CXCL9: variants seen among roughly 807,000 people sequenced by gnomAD.
The protein encoded by CXCL9 is C-X-C motif chemokine ligand 9, also known as C-X-C motif chemokine 9.
Under a neutral mutation model 11.7 loss-of-function variants are expected in CXCL9, and 8 were observed. The ratio of observed to expected loss-of-function variants is 0.68; its 90% CI spans 0.40 to 1.23. The LOEUF (loss-of-function observed/expected upper bound fraction) is 1.23. Ranked by LOEUF, CXCL9 falls within the 50% of genes most tolerant of loss-of-function variation. The pLI, the probability that CXCL9 is intolerant of heterozygous loss-of-function variation, is 0.01. For missense variants in CXCL9, 133 were observed against 141.7 expected (o/e 0.94, Z 0.31); for synonymous variants, 43 against 48.2 (o/e 0.89, Z 0.45).
In CXCL9 at chr4:76,003,729, T is replaced by C. The variant is rs1248757341; in HGVS notation, c.277-30A>G. On this transcript the variant is annotated intron_variant, in intron 3 of 3. Transcript: ENST00000264888. ...GAGAAGAAGGGGAAAAAGGGCAATG[T>C]TTCTGAATCTTACCATTTTTACTTC... The C allele has an allele frequency of 7.9e-6, 10 of 1,259,524 alleles. No homozygotes were observed. In the Admixed American group the frequency reaches 1.7e-4, roughly 22 times the overall value. The allele number at this position is 1,259,524 out of a possible 1,614,324, so 78.0% of individuals were successfully genotyped here. A position where few individuals can be genotyped will look rare whatever the true frequency, so the allele number is the denominator to read the frequency against.
chr4:76,005,029 T>C (rs1272825605), intron 2 of CXCL9, 136 bp from the exon 3 acceptor site: 1 of 1,263,410 alleles, frequency 7.9e-7, no homozygotes, highest in Non-Finnish European at 1.0e-6. Context: ...TAGGACAAGA[T>C]GAGTCACTGG....
intron 3 of CXCL9, 114 bp downstream of exon 3, chr4:76,004,695 A>G: frequency 7.3e-7 from 1 of 1,363,658 alleles, no homozygotes; most frequent in Non-Finnish European, 9.5e-7. Context: ...ATATGAATGA[A>G]AAATGTATTC....
rs1731583767 is a variant in CXCL9, at chr4:76,006,228, G to A, written c.111C>T (p.Asn37=). 2 of 1,613,850 alleles carry A rather than the reference G, an allele frequency of 1.2e-6. No individual in the cohort carries two copies. Among genetic ancestry groups the A allele is most frequent in the South Asian group, 2.2e-5 (2 of 91,080 alleles). Reference sequence around the variant, plus strand: ...AGGATTGTAGGTGGATAGTCCCTTGGTTGGTGCTGATGCAGGAACAGCGAC... The same window carrying A: ...AGGATTGTAGGTGGATAGTCCCTTGATTGGTGCTGATGCAGGAACAGCGAC... ...RKGRCSCIST[N]QGTIHLQSLK... The change falls in exon 2 of 4, where the codon AAC becomes AAT. Residue 37 remains asparagine (N), a synonymous_variant. Transcript: ENST00000264888.
At chr4:76,005,258 G>C (rs541306393) in intron 2 of CXCL9, 1 of 158,390 alleles carries the variant, frequency 6.3e-6, no homozygotes, top group East Asian at 1.9e-4. Context: ...CATTGGCCAG[G>C]ATGGTCTCAA....
At position 76,003,438 on chromosome 4, in the gene CXCL9, A is replaced by G. The variant is rs920118962; in HGVS notation, c.*160T>C. 2.1e-5 allele frequency: 12 copies of G among 572,036 alleles called. No individual in the cohort carries two copies. The highest frequency in any genetic ancestry group is 1.9e-5 in the African/African-American group (1 of 52,362). The allele number at this position is 572,036 out of a possible 1,614,324, so 35.4% of individuals were successfully genotyped here. ...AATTCTTAACGTTTGGATTCTTAAAATCAACTTTCTAACTTTAGTTACAAT... is the reference window on the plus strand; with the variant it reads ...AATTCTTAACGTTTGGATTCTTAAAGTCAACTTTCTAACTTTAGTTACAAT... On this transcript the variant is annotated 3_prime_UTR_variant, in exon 4 of 4. Coordinates refer to ENST00000264888, the MANE Select transcript of CXCL9 (RefSeq NM_002416.3).
rs148944642 is a variant in CXCL9, at chr4:76,002,315, G to A, written c.*1283C>T. The A allele has an allele frequency of 2.5e-4, 100 of 398,460 alleles. 1 individual carries two copies. The highest frequency in any genetic ancestry group is 1.6e-3 in the African/African-American group (76 of 48,708). The allele number at this position is 398,460 out of a possible 1,614,324, so 24.7% of individuals were successfully genotyped here. A position where few individuals can be genotyped will look rare whatever the true frequency, so the allele number is the denominator to read the frequency against. ...TTTTTAAAAACAGTCCAGAATATCC[G>A]CAAGTGTTTTACCACGTGCTTCTTA... is the stretch of plus-strand genomic sequence containing the variant. On this transcript the variant is annotated 3_prime_UTR_variant, in exon 4 of 4. Transcript: ENST00000264888.
chr4:76,005,047 T>TC, intron 2 of CXCL9, 154 bp from the exon 3 acceptor site: 1 of 1,207,036 alleles, frequency 8.3e-7, no homozygotes, highest in East Asian at 3.2e-5. Flanking sequence ...TGGTTGAATT[T>TC]TTTTTTTTTT....
chr4:76,003,531 G>T lies in CXCL9; in HGVS notation c.*67C>A. 1 of 896,444 alleles carries T rather than the reference G, an allele frequency of 1.1e-6. No individual in the cohort carries two copies. Among genetic ancestry groups the T allele is most frequent in the Non-Finnish European group, 1.8e-6 (1 of 551,544 alleles). 55.5% of individuals were successfully genotyped at this position (896,444 alleles called of 1,614,324 possible). A position where few individuals can be genotyped will look rare whatever the true frequency, so the allele number is the denominator to read the frequency against. ...TTTGTATTATATGCCATCCTCCTTT[G>T]GAATGATAGCGGTATAATTAAAATA... On this transcript the variant is annotated 3_prime_UTR_variant, in exon 4 of 4. Coordinates refer to ENST00000264888, the MANE Select transcript of CXCL9 (RefSeq NM_002416.3).
In CXCL9 at chr4:76,003,481, A is replaced by C; in HGVS notation, c.*117T>G. The C allele has an allele frequency of 1.7e-6, 1 of 595,630 alleles. No individual in the cohort carries two copies. Among genetic ancestry groups the C allele is most frequent in the Non-Finnish European group, 2.9e-6 (1 of 342,040 alleles). 36.9% of individuals were successfully genotyped at this position (595,630 alleles called of 1,614,324 possible). ...GTTACAATTTCAGAGTAATGTTTTAAATTTTCTAGTCAAATTAATAAGCCT... is the reference window on the plus strand; with the variant it reads ...GTTACAATTTCAGAGTAATGTTTTACATTTTCTAGTCAAATTAATAAGCCT... On this transcript the variant is annotated 3_prime_UTR_variant, in exon 4 of 4. Coordinates refer to ENST00000264888, the MANE Select transcript of CXCL9 (RefSeq NM_002416.3).
intron 1 of CXCL9, 140 bp from the exon 2 acceptor site, chr4:76,006,414 T>C (rs1731588193): frequency 1.3e-6 from 1 of 753,586 alleles, no homozygotes; most frequent in African/African-American, 1.8e-5. Flanking sequence ...CACAAACCTT[T>C]GAAGGAGGTA....
chr4:76,006,378 T>C, intron 1 of CXCL9, 104 bp from the exon 2 acceptor site: 1 of 1,160,790 alleles, frequency 8.6e-7, no homozygotes, highest in South Asian at 1.6e-5. Context: ...ATTGCTATCA[T>C]TTACCGAGTG....
chr4:76,004,031 G>T (rs1731531096), intron 3 of CXCL9, among the ~76,000 whole-genome samples: 1 of 152,184 alleles, frequency 6.6e-6, no homozygotes, highest in Non-Finnish European at 1.5e-5. Flanking sequence ...CTGAGTTCTG[G>T]AGAGGGTGAC....
intron 3 of CXCL9, among the ~76,000 whole-genome samples, chr4:76,004,539 CCATT>C (rs973768018): frequency 6.6e-6 from 1 of 152,132 alleles, no homozygotes; most frequent in African/African-American, 2.4e-5. Flanking sequence ...CCTGTGTCTA[CCATT>C]CAATTCATTA....
In CXCL9 at chr4:76,006,213, G is replaced by A. The variant is rs766206461; in HGVS notation, c.126C>T (p.His42=). 1 of 1,613,608 alleles carries A rather than the reference G, an allele frequency of 6.2e-7. No individual in the cohort carries two copies. Among genetic ancestry groups the A allele is most frequent in the African/African-American group, 1.3e-5 (1 of 74,908 alleles). ...SCISTNQGTI[H]LQSLKDLKQF... is the part of the protein sequence containing the mutation. ...GTTTAAGGTCTTTCAAGGATTGTAG[G>A]TGGATAGTCCCTTGGTTGGTGCTGA... The change falls in exon 2 of 4, where the codon CAC becomes CAT. Residue 42 remains histidine (H), a synonymous_variant. Transcript: ENST00000264888.
At position 76,003,625 on chromosome 4, in the gene CXCL9, T is replaced by C. The variant is rs78048652; in HGVS notation, c.351A>G (p.Gln117=). The C allele has an allele frequency of 6.2e-6, 10 of 1,609,284 alleles. No individual in the cohort carries two copies. Among genetic ancestry groups the C allele is most frequent in the Non-Finnish European group, 8.5e-6 (10 of 1,176,302 alleles). The change falls in exon 4 of 4, where the codon CAA becomes CAG. Residue 117 remains glutamine, a synonymous_variant. Coordinates refer to ENST00000264888, the MANE Select transcript of CXCL9 (RefSeq NM_002416.3). ...KKKVLKVRKS[Q]RSRQKKTT is the part of the protein sequence containing the mutation. ...ATGTAGTCTTCTTTTGACGAGAACG[T>C]TGAGATTTTCGAACTTTCAGAACTT...
At position 76,003,659 on chromosome 4, in the gene CXCL9, T is replaced by G; in HGVS notation, c.317A>C (p.Gln106Pro). The stretch of plus-strand genomic sequence containing the variant: ...TCGAACTTTCAGAACTTTCTTTTTT[T>G]GATGTTTTTTCCCATTCTTTTGCTT... Reference protein sequence around the residue: ...KKKQKNGKKHQKKKVLKVRKS... With the variant: ...KKKQKNGKKHPKKKVLKVRKS... The change falls in exon 4 of 4, where the codon CAA (glutamine) becomes CCA (proline). Residue 106 changes from glutamine to proline, a missense_variant. By Grantham distance (76) the Gln-to-Pro change is moderately conservative (BLOSUM62 -1). Coordinates refer to ENST00000264888, the MANE Select transcript of CXCL9 (RefSeq NM_002416.3). 1.2e-6 allele frequency: 2 copies of G among 1,612,820 alleles called. No individual in the cohort carries two copies. The highest frequency in any genetic ancestry group is 1.7e-6 in the Non-Finnish European group (2 of 1,179,446).
intron 2 of CXCL9, chr4:76,005,414 T>C (rs1731566248): frequency 6.6e-6 from 1 of 152,288 alleles, no homozygotes; most frequent in African/African-American, 2.4e-5. Flanking sequence ...TTAATTTTTC[T>C]GTATAGTCTG....
chr4:76,004,980 G>A, intron 2 of CXCL9, 87 bp from the exon 3 acceptor site: 1 of 1,394,150 alleles, frequency 7.2e-7, no homozygotes, highest in Non-Finnish European at 9.4e-7. Context: ...AGTATGAATT[G>A]TGCTGAATTT....
chr4:76,005,772 T>C (rs1380135919), intron 2 of CXCL9: 2 of 175,950 alleles, frequency 1.1e-5, no homozygotes, highest in Admixed American at 1.1e-4. Context: ...TTTGTGCTTA[T>C]ATACGTGTAT....
Sources: allele counts gnomAD v4.1 joint callset (sites outside exome capture counted in the v4.1 genomes callset), GRCh38; gene constraint gnomAD v4.1.1; transcripts MANE v1.5; gene names NCBI Gene and HGNC (gene_info 2026-07-23, HGNC 2026-07-21).